The following SUPT20H variants were observed in gnomAD, a reference collection of about 807,000 sequenced individuals.
The protein encoded by SUPT20H is SPT20 homolog, SAGA complex component.
Under a neutral mutation model 122.8 loss-of-function variants are expected in SUPT20H, and 82 were observed. The ratio of observed to expected loss-of-function variants is 0.67; its 90% CI spans 0.56 to 0.80. The LOEUF is 0.80. SUPT20H is among the 30% of genes least tolerant of loss of function. The pLI is 0.00. For missense variants in SUPT20H, 831 were observed against 921.6 expected, an observed-to-expected ratio of 0.90 and a Z score of 1.27; for synonymous variants, 291 against 313.0, an observed-to-expected ratio of 0.93 and a Z score of 0.74.
chr13:37,055,597 C>T (rs1433684131), intron 1 of SUPT20H, among the ~76,000 whole-genome samples: 1 of 152,086 alleles, frequency 6.6e-6, no homozygotes, highest in South Asian at 2.1e-4. Flanking sequence ...CCTTCCTTAG[C>T]CCTTACACAA....
intron 23 of SUPT20H, among the ~76,000 whole-genome samples, chr13:37,015,095 A>G (rs1012394076): frequency 2.0e-5 from 3 of 151,192 alleles, no homozygotes; most frequent in African/African-American, 4.9e-5. Context: ...AGGACATTGG[A>G]TTTGGCAATG....
At chr13:37,041,228 T>C (rs1277532548) in intron 7 of SUPT20H, among the ~76,000 whole-genome samples, 3 of 152,178 alleles carry the variant, frequency 2.0e-5, no homozygotes, top group African/African-American at 4.8e-5. Flanking sequence ...AAATGAAAAA[T>C]AGTTTTTCAG....
intron 15 of SUPT20H, 93 bp from the exon 16 acceptor site, chr13:37,026,329 A>G: frequency 1.0e-6 from 1 of 981,234 alleles, no homozygotes; most frequent in Non-Finnish European, 1.4e-6. Flanking sequence ...TCCATGTTTT[A>G]GTCACAGTAA....
Position 37,010,984 on chromosome 13 carries a change from A to G in SUPT20H, c.2099-329T>C, listed in dbSNP as rs183011316. 13 of 177,416 alleles carry G rather than the reference A, an allele frequency of 7.3e-5. No homozygotes were observed. The East Asian group carries it at 1.8e-3, about 24-fold the overall frequency. The allele number at this position is 177,416 out of a possible 1,614,324, so 11.0% of individuals were successfully genotyped here. On this transcript the variant is annotated intron_variant, in intron 24 of 25. Coordinates refer to ENST00000350612, the MANE Select transcript of SUPT20H (RefSeq NM_001014286.3). ...ATATTATTTTTGAAATAAAACCAACAAAGTAGGAGAAGGGAGATGGAAGAA... is the reference window on the plus strand; with the variant it reads ...ATATTATTTTTGAAATAAAACCAACGAAGTAGGAGAAGGGAGATGGAAGAA...
intron 9 of SUPT20H, among the ~76,000 whole-genome samples, chr13:37,036,026 G>A (rs192049659): frequency 1.3e-5 from 2 of 152,282 alleles, no homozygotes; most frequent in East Asian, 3.9e-4. Context: ...TTTCATGAAA[G>A]AAACAATCAA....
Position 37,009,747 on chromosome 13 carries a change from T to C in SUPT20H, c.2265A>G (p.Leu755=), listed in dbSNP as rs750722882. 3 of 1,614,134 alleles carry C rather than the reference T, an allele frequency of 1.9e-6. No homozygotes were observed. The highest frequency in any genetic ancestry group is 1.1e-5 in the South Asian group (1 of 91,078). The stretch of plus-strand genomic sequence containing the variant: ...GGCTGCCTGTATGCCGATGATGATG[T>C]AGCTGAGCTGTTTGTGCTGCTGCTG... ...MAAAAAQTAQ[L]HHHRHTGSQS... The change falls in exon 26 of 26, where the codon CTA becomes CTG. Residue 755 remains leucine (L), a synonymous_variant. Coordinates refer to ENST00000350612, the MANE Select transcript of SUPT20H (RefSeq NM_001014286.3).
At chr13:37,055,663 C>T (rs1395066180) in intron 1 of SUPT20H, among the ~76,000 whole-genome samples, 1 of 152,066 alleles carries the variant, frequency 6.6e-6, no homozygotes, top group Non-Finnish European at 1.5e-5. Flanking sequence ...CCATAAAAAC[C>T]CTAGAAGAAA....
At chr13:37,019,703 T>G (rs761764310) in intron 21 of SUPT20H, among the ~76,000 whole-genome samples, 1 of 152,214 alleles carries the variant, frequency 6.6e-6, no homozygotes, top group African/African-American at 2.4e-5. Flanking sequence ...GTGAACACCA[T>G]GAATATAACA....
At chr13:37,044,755 A>G (rs1418760544) in intron 6 of SUPT20H, among the ~76,000 whole-genome samples, 3 of 152,204 alleles carry the variant, frequency 2.0e-5, no homozygotes, top group Non-Finnish European at 4.4e-5. Context: ...TTCAGTATTA[A>G]TAGAAATATT....
chr13:37,049,941 C>T (rs2067302030), intron 2 of SUPT20H, among the ~76,000 whole-genome samples: 1 of 152,046 alleles, frequency 6.6e-6, no homozygotes, highest in African/African-American at 2.4e-5. Flanking sequence ...ATACCTCAAC[C>T]TACCAAATTG....
Position 37,022,849 on chromosome 13 carries a change from A to C in SUPT20H, c.1592-769T>G, listed in dbSNP as rs1184813454. ...ACAAATTTACAAAAAACAGTAATAA[A>C]GCAAATATCTGAGAGATAATACTGC... On this transcript the variant is annotated intron_variant, in intron 19 of 25. Transcript: ENST00000350612. This position sits in a 1 kb window ranked among gnomAD's most constrained non-coding sequence, Gnocchi z 4.5. 1 of 1,070,942 alleles carries C rather than the reference A, an allele frequency of 9.3e-7. No homozygotes were observed. Among genetic ancestry groups the C allele is most frequent in the Non-Finnish European group, 1.1e-6 (1 of 873,084 alleles). The allele number at this position is 1,070,942 out of a possible 1,614,324, so 66.3% of individuals were successfully genotyped here. A position where few individuals can be genotyped will look rare whatever the true frequency, so the allele number is the denominator to read the frequency against.
rs982411301 is a variant in SUPT20H at position 37,022,452 on chromosome 13, T to C, written c.1592-372A>G. On this transcript the variant is annotated intron_variant, in intron 19 of 25. Transcript: ENST00000350612. The surrounding 1 kb of genome is among the most constrained non-coding windows in gnomAD (Gnocchi z 4.5). Reference sequence around the variant, plus strand: ...TTTTTTAGCAGTTAACTGCAAGTGTTAATTTCTACACATGATACATGAGTG... The same window carrying C: ...TTTTTTAGCAGTTAACTGCAAGTGTCAATTTCTACACATGATACATGAGTG... 4 of 1,304,442 alleles carry C rather than the reference T, an allele frequency of 3.1e-6. No individual in the cohort carries two copies. In the African/African-American group the frequency reaches 4.5e-5, roughly 15 times the overall value. The allele number at this position is 1,304,442 out of a possible 1,614,324, so 80.8% of individuals were successfully genotyped here.
chr13:37,046,152 A>C (rs962987145), intron 5 of SUPT20H, among the ~76,000 whole-genome samples: 26 of 152,236 alleles, frequency 1.7e-4, no homozygotes, highest in African/African-American at 6.0e-4. Flanking sequence ...ACACACATAC[A>C]GAAAGAAGTG....
Position 37,009,696 on chromosome 13 carries a change from G to A in SUPT20H, c.2316C>T (p.Gly772=). ...GSQSKSKMKR[G]TPTTPKF The stretch of plus-strand genomic sequence containing the variant: ...CTCAAAATTTTGGAGTGGTTGGCGT[G>A]CCTCTCTTCATTTTACTTTTTGACT... Residue 772 remains glycine, a synonymous_variant, in exon 26 of 26, where the codon GGC becomes GGT. Transcript: ENST00000350612. 6.2e-7 allele frequency: 1 copy of A among 1,613,876 alleles called. No individual in the cohort carries two copies. Among genetic ancestry groups the A allele is most frequent in the Non-Finnish European group, 8.5e-7 (1 of 1,179,912 alleles).
intron 10 of SUPT20H, among the ~76,000 whole-genome samples, chr13:37,032,761 G>A (rs1594232767): frequency 6.6e-6 from 1 of 152,160 alleles, no homozygotes; most frequent in East Asian, 1.9e-4. Context: ...TGGAGGGTGG[G>A]GAAAAGAAAA....
At chr13:37,054,035 C>T (rs1379348765) in intron 1 of SUPT20H, among the ~76,000 whole-genome samples, 1 of 152,132 alleles carries the variant, frequency 6.6e-6, no homozygotes, top group East Asian at 1.9e-4. Context: ...GGATAAATTC[C>T]TCGACACATA....
chr13:37,055,238 G>T (rs1325393504), intron 1 of SUPT20H, among the ~76,000 whole-genome samples: 1 of 152,044 alleles, frequency 6.6e-6, no homozygotes, highest in African/African-American at 2.4e-5. Flanking sequence ...AGCTACCAAT[G>T]ACTTTCTTCA....
intron 1 of SUPT20H, 80 bp from the exon 2 acceptor site, chr13:37,051,663 T>C: frequency 2.1e-6 from 1 of 477,866 alleles, no homozygotes; most frequent in Non-Finnish European, 3.8e-6. Context: ...TATTTCATAA[T>C]TAACAAGGAA....
chr13:37,010,879 A>C (rs2059494586), intron 24 of SUPT20H: 1 of 417,736 alleles, frequency 2.4e-6, no homozygotes, highest in Non-Finnish European at 4.4e-6. Context: ...AAGGGAGTGC[A>C]TTATGTATCA....
Sources: allele counts gnomAD v4.1 joint callset (sites outside exome capture counted in the v4.1 genomes callset), GRCh38; gene constraint gnomAD v4.1.1; non-coding constraint Gnocchi (gnomAD v3.1); transcripts MANE v1.5; gene names NCBI Gene and HGNC (gene_info 2026-07-23, HGNC 2026-07-21).